ARL3: variants seen among roughly 807,000 people sequenced by gnomAD.
ARL3 encodes the protein ADP-ribosylation factor-like protein 3.
In ARL3, 9 loss-of-function variants were observed where a neutral mutation model predicts 26.0. That is an observed-to-expected ratio of 0.35 (90% CI 0.21 to 0.60). The LOEUF is 0.60. Ranked by LOEUF, ARL3 falls within the 20% of genes least tolerant of loss-of-function variation. The pLI is 0.78. For missense variants in ARL3, 158 were observed against 215.7 expected, an observed-to-expected ratio of 0.73 and a Z score of 1.67; for synonymous variants, 71 against 78.4, an observed-to-expected ratio of 0.91 and a Z score of 0.50.
intron 1 of ARL3, among the ~76,000 whole-genome samples, chr10:102,707,085 A>C (rs942474833): frequency 1.3e-5 from 2 of 152,162 alleles, no homozygotes; most frequent in Non-Finnish European, 2.9e-5. Context: ...GCTTGAGCCC[A>C]GGAGTTCAAG....
intron 3 of ARL3, among the ~76,000 whole-genome samples, chr10:102,692,400 T>C (rs985117631): frequency 2.0e-5 from 3 of 152,228 alleles, no homozygotes; most frequent in African/African-American, 4.8e-5. Context: ...AGTCTATAGC[T>C]TTTGAAACAT....
Position 102,714,226 on chromosome 10 carries a change from G to A in ARL3, c.3+47C>T, listed in dbSNP as rs762671543. ...CTCCGCCCTGGGCCTGGGGACGGGA[G>A]GGGGATAACCGGCCGGCTCCAAGGG... On this transcript the variant is annotated intron_variant, in intron 1 of 5. Transcript: ENST00000260746. The A allele has an allele frequency of 5.3e-6, 7 of 1,313,370 alleles. No homozygotes were observed. The East Asian group carries it at 1.1e-4, about 21-fold the overall frequency. The allele number at this position is 1,313,370 out of a possible 1,614,324, so 81.4% of individuals were successfully genotyped here.
Position 102,714,308 on chromosome 10 carries a change from C to G in ARL3, c.-33G>C, listed in dbSNP as rs1156414621. On this transcript the variant is annotated 5_prime_UTR_variant, in exon 1 of 6. Coordinates refer to ENST00000260746, the MANE Select transcript of ARL3 (RefSeq NM_004311.4). Reference sequence around the variant, plus strand: ...CCGAGTCCCTCCTCCTCCTCCTCCTCCTGCTGCCTCCCCCGTTACCAGGGG... The same window carrying G: ...CCGAGTCCCTCCTCCTCCTCCTCCTGCTGCTGCCTCCCCCGTTACCAGGGG... 5.4e-6 allele frequency: 7 copies of G among 1,305,110 alleles called. No homozygotes were observed. Among genetic ancestry groups the G allele is most frequent in the Non-Finnish European group, 5.9e-6 (6 of 1,018,426 alleles). The allele number at this position is 1,305,110 out of a possible 1,614,324, so 80.8% of individuals were successfully genotyped here.
Position 102,675,230 on chromosome 10 carries a change from C to T in ARL3, c.*1664G>A, listed in dbSNP as rs973001657. The T allele has an allele frequency of 1.3e-5, 2 of 152,220 alleles. No individual in the cohort carries two copies. Among genetic ancestry groups the T allele is most frequent in the African/African-American group, 4.8e-5 (2 of 41,440 alleles). 9.4% of individuals were successfully genotyped at this position (152,220 alleles called of 1,614,324 possible). ...CCTCACTTTCTTTTGTTTTGCAAGT[C>T]CTTACAGGTCTGTCCACAGCAACTC... is the stretch of plus-strand genomic sequence containing the variant. On this transcript the variant is annotated 3_prime_UTR_variant, in exon 6 of 6. Transcript: ENST00000260746.
chr10:102,682,151 C>T (rs1488065190), intron 5 of ARL3, among the ~76,000 whole-genome samples: 1 of 152,150 alleles, frequency 6.6e-6, no homozygotes, highest in Non-Finnish European at 1.5e-5. Context: ...GTTCTCCCTC[C>T]CAGACATTTT....
chr10:102,678,799 GT>G (rs1441337431), intron 5 of ARL3, among the ~76,000 whole-genome samples: 1 of 152,240 alleles, frequency 6.6e-6, no homozygotes. Flanking sequence ...GTGTGGGGTG[GT>G]TTTATGCCGG....
At chr10:102,702,768 C>T (rs2064287014) in intron 2 of ARL3, among the ~76,000 whole-genome samples, 1 of 152,132 alleles carries the variant, frequency 6.6e-6, no homozygotes, top group Non-Finnish European at 1.5e-5. Context: ...CTGTAATTTG[C>T]TTGGGCTATA....
chr10:102,691,820 C>T (rs966708242), intron 3 of ARL3, among the ~76,000 whole-genome samples: 12 of 152,166 alleles, frequency 7.9e-5, no homozygotes, highest in Admixed American at 7.9e-4. Context: ...CAATGGAAGA[C>T]TATTAAACAT....
In ARL3 at chr10:102,689,954, AAAG is replaced by A. The variant is rs763407424; in HGVS notation, c.265-14_265-12del. 239 of 1,572,680 alleles carry A rather than the reference AAAG, an allele frequency of 1.5e-4. No individual in the cohort carries two copies. Among genetic ancestry groups the A allele is most frequent in the Non-Finnish European group, 1.4e-4 (162 of 1,153,790 alleles). On this transcript the variant is annotated splice_polypyrimidine_tract_variant and intron_variant, in intron 3 of 5. Coordinates refer to ENST00000260746, the MANE Select transcript of ARL3 (RefSeq NM_004311.4). ...GTCGATTACATATATCTATAAAGGA[AAAG>A]AAGAAGGTTATTTCAGTGAGCAGAG...
Position 102,686,020 on chromosome 10 carries a change from G to A in ARL3, c.316-19C>T. The stretch of plus-strand genomic sequence containing the variant: ...CTAGTTCCTGGATTTTGAGAAGGGA[G>A]AGGGAGGGAAGGTTAAAATCTATAC... On this transcript the variant is annotated intron_variant, in intron 4 of 5. Coordinates refer to ENST00000260746, the MANE Select transcript of ARL3 (RefSeq NM_004311.4). The A allele has an allele frequency of 1.2e-6, 2 of 1,601,124 alleles. No individual in the cohort carries two copies. The highest frequency in any genetic ancestry group is 1.7e-6 in the Non-Finnish European group (2 of 1,171,098).
At chr10:102,692,635 C>T (rs2064224830) in intron 3 of ARL3, among the ~76,000 whole-genome samples, 1 of 152,020 alleles carries the variant, frequency 6.6e-6, no homozygotes, top group African/African-American at 2.4e-5. Flanking sequence ...AGGCTGGCCT[C>T]GAACTCCTGA....
intron 5 of ARL3, among the ~76,000 whole-genome samples, chr10:102,680,383 A>G (rs1272064109): frequency 2.0e-5 from 3 of 152,204 alleles, no homozygotes; most frequent in African/African-American, 7.2e-5. Flanking sequence ...GCTGAAACTG[A>G]ATTTGAATTG....
intron 4 of ARL3, among the ~76,000 whole-genome samples, chr10:102,689,110 G>A (rs1307500179): frequency 1.3e-5 from 2 of 151,936 alleles, no homozygotes; most frequent in Non-Finnish European, 1.5e-5. Context: ...ATCATCTGAG[G>A]TCAAGAGTTC....
intron 3 of ARL3, among the ~76,000 whole-genome samples, chr10:102,691,725 A>G (rs769788758): frequency 3.3e-5 from 5 of 152,244 alleles, no homozygotes; most frequent in Non-Finnish European, 7.3e-5. Context: ...ATGGGAAAGA[A>G]TGAACCAGGC....
chr10:102,710,443 C>T (rs1159195277), intron 1 of ARL3, among the ~76,000 whole-genome samples: 2 of 151,994 alleles, frequency 1.3e-5, no homozygotes, highest in Non-Finnish European at 2.9e-5. Context: ...ACATATATGC[C>T]CATATTTTAT....
At chr10:102,705,293 G>T in intron 2 of ARL3, 53 bp downstream of exon 2, 1 of 1,498,278 alleles carries the variant, frequency 6.7e-7, no homozygotes, top group Non-Finnish European at 9.0e-7. Flanking sequence ...CTTTCACATT[G>T]CTATTATCGT....
chr10:102,708,908 A>ATATATTTTT lies in ARL3; in HGVS notation c.4-3420_4-3419insAAAAATATA. Among the ~76,000 whole-genome samples, 37 of 95,326 alleles carry ATATATTTTT rather than the reference A, an allele frequency of 3.9e-4. 1 individual carries two copies. Among genetic ancestry groups the ATATATTTTT allele is most frequent in the East Asian group, 1.8e-3 (6 of 3,262 alleles). The allele number at this position is 95,326 out of a possible 152,430, so 62.5% of individuals were successfully genotyped here. ...ATATTATATATATATATATATATATATTTTTTTTTTTTTTGAGACAAGGTC... is the reference window on the plus strand; with the variant it reads ...ATATTATATATATATATATATATATATATATTTTTTTTTTTTTTTTTTTGAGACAAGGTC... On this transcript the variant is annotated intron_variant, in intron 1 of 5. Transcript: ENST00000260746.
At chr10:102,700,858 C>T (rs1337588793) in intron 2 of ARL3, among the ~76,000 whole-genome samples, 2 of 150,670 alleles carry the variant, frequency 1.3e-5, no homozygotes, top group Non-Finnish European at 2.9e-5. Flanking sequence ...CTGCCTCAGC[C>T]TCCCGAGTAG....
rs1250454671 is a variant in ARL3 at position 102,705,383 on chromosome 10, A to C, written c.110T>G (p.Leu37Arg). The C allele has an allele frequency of 5.6e-6, 9 of 1,611,246 alleles. No homozygotes were observed. The highest frequency in any genetic ancestry group is 7.6e-6 in the Non-Finnish European group (9 of 1,178,376). The change falls in exon 2 of 6, where the codon CTT becomes CGT. Residue 37 changes from leucine (L) to arginine (R), a missense_variant. Transcript: ENST00000260746. ...GATGTGGCTGATGTCTTCAGATGCA[A>C]GCTGCTTCAGAAGAGTGGTCTTGCC... ...NAGKTTLLKQLASEDISHITP... is the reference protein window; with the variant it reads ...NAGKTTLLKQRASEDISHITP...
Sources: gnomAD v4.1 joint callset for allele counts (sites outside exome capture counted in the v4.1 genomes callset) on GRCh38, gnomAD v4.1.1 for gene constraint, MANE v1.5 for transcripts, NCBI Gene and HGNC (gene_info 2026-07-23, HGNC 2026-07-21) for gene names.